The following KITLG variants were observed in gnomAD, a reference collection of about 807,000 sequenced individuals.
The protein encoded by KITLG is c-Kit ligand.
In KITLG, 13 loss-of-function variants were observed where a neutral mutation model predicts 34.1. The observed-to-expected ratio is 0.38, with a 90% confidence interval of 0.25 to 0.61. KITLG has a LOEUF of 0.61. KITLG is among the 20% of genes least tolerant of loss of function. The probability of loss-of-function intolerance (pLI) is 0.60; values close to 1 mark genes in which losing one functional copy is unlikely to be tolerated. For missense variants in KITLG, 292 were observed against 318.9 expected (o/e 0.92, Z 0.64); for synonymous variants, 110 against 104.0 (o/e 1.06, Z -0.35).
intron 9 of KITLG, among the ~76,000 whole-genome samples, chr12:88,500,925 G>A (rs1045859921): frequency 5.3e-5 from 8 of 152,016 alleles, no homozygotes; most frequent in Admixed American, 3.9e-4. Flanking sequence ...GACCATAGGT[G>A]CATACCACTA....
At position 88,531,713 on chromosome 12, in the gene KITLG, AAGTCCTTT is replaced by A. The variant is rs373082045; in HGVS notation, c.192+720_192+727del. On this transcript the variant is annotated intron_variant, in intron 3 of 9. Transcript: ENST00000644744. ...AAAGAATTTACATAAACTTACACTG[AAGTCCTTT>A]TTTAGGGGGATGCTTAAGGAAAATG... Among the ~76,000 whole-genome samples, 726 of 150,678 alleles carry A rather than the reference AAGTCCTTT, an allele frequency of 4.8e-3. 7 individuals carry two copies. Among genetic ancestry groups the A allele is most frequent in the African/African-American group, 0.017 (706 of 41,318 alleles).
chr12:88,571,392 C>A (rs1481203282), intron 1 of KITLG, among the ~76,000 whole-genome samples: 1 of 152,146 alleles, frequency 6.6e-6, no homozygotes, highest in Non-Finnish European at 1.5e-5. Context: ...AGTGGCAGAA[C>A]CAATACTACA....
intron 6 of KITLG, among the ~76,000 whole-genome samples, chr12:88,511,051 T>G (rs2120821664): frequency 6.6e-6 from 1 of 152,164 alleles, no homozygotes; most frequent in African/African-American, 2.4e-5. Flanking sequence ...TTGCTGACAA[T>G]GCAAGACTCA....
At chr12:88,505,269 C>T (rs1161845163) in intron 8 of KITLG, 34 bp from the exon 9 acceptor site, 1 of 1,551,664 alleles carries the variant, frequency 6.4e-7, no homozygotes, top group Non-Finnish European at 8.9e-7. Context: ...CTTATTTGCT[C>T]TTGGTCAGAG....
rs1871978207 is a variant in KITLG, at chr12:88,580,408, G to A, written c.-130C>T. 2 of 1,093,108 alleles carry A rather than the reference G, an allele frequency of 1.8e-6. No homozygotes were observed. The highest frequency in any genetic ancestry group is 1.6e-5 in the African/African-American group (1 of 64,066). 67.7% of individuals were successfully genotyped at this position (1,093,108 alleles called of 1,614,324 possible). A position where few individuals can be genotyped will look rare whatever the true frequency, so the allele number is the denominator to read the frequency against. On this transcript the variant is annotated 5_prime_UTR_variant, in exon 1 of 10. Coordinates refer to ENST00000644744, the MANE Select transcript of KITLG (RefSeq NM_000899.5). ...ACGCATTGGGTAGCCCGAGCGCAGC[G>A]CCCTCTCCACTGTCCCTGCTTCCCG...
chr12:88,527,032 C>G (rs758842829), intron 3 of KITLG, among the ~76,000 whole-genome samples: 7 of 152,036 alleles, frequency 4.6e-5, no homozygotes, highest in Admixed American at 3.9e-4. Flanking sequence ...CCACGCCCAG[C>G]TAATTTTCTG....
At chr12:88,542,559 T>C (rs1019323978) in intron 2 of KITLG, among the ~76,000 whole-genome samples, 41 of 152,110 alleles carry the variant, frequency 2.7e-4, no homozygotes, top group African/African-American at 9.4e-4. Flanking sequence ...CAGTCACTCA[T>C]GTTGCTGTTT....
chr12:88,546,020 AC>A, intron 1 of KITLG, 155 bp from the exon 2 acceptor site: 1 of 730,342 alleles, frequency 1.4e-6, no homozygotes, highest in Non-Finnish European at 2.5e-6. Context: ...AGCTATGCTC[AC>A]CAAAGTTTTT....
chr12:88,576,767 C>T (rs952837840), intron 1 of KITLG, among the ~76,000 whole-genome samples: 5 of 151,922 alleles, frequency 3.3e-5, no homozygotes, highest in Admixed American at 2.0e-4. Context: ...AGATATAAAG[C>T]GAAGGCCACA....
intron 1 of KITLG, among the ~76,000 whole-genome samples, chr12:88,575,753 C>T (rs929063060): frequency 6.6e-6 from 1 of 151,988 alleles, no homozygotes; most frequent in African/African-American, 2.4e-5. Context: ...GATTTATGTG[C>T]TAGAAAGAAA....
At chr12:88,501,129 A>C (rs1482644679) in intron 9 of KITLG, among the ~76,000 whole-genome samples, 1 of 152,094 alleles carries the variant, frequency 6.6e-6, no homozygotes, top group Non-Finnish European at 1.5e-5. Context: ...AGTTCAATAC[A>C]TTCCTTCCAC....
At chr12:88,541,229 G>A (rs776188007) in intron 2 of KITLG, among the ~76,000 whole-genome samples, 38 of 152,014 alleles carry the variant, frequency 2.5e-4, no homozygotes, top group Non-Finnish European at 1.0e-4. Context: ...TGAAATAAGT[G>A]CCTATCACAA....
intron 3 of KITLG, among the ~76,000 whole-genome samples, chr12:88,525,220 T>G (rs1179113128): frequency 1.3e-5 from 2 of 152,160 alleles, no homozygotes; most frequent in East Asian, 3.8e-4. Context: ...AAGGAAAAAC[T>G]GATAGTTTCC....
At chr12:88,505,382 C>T in intron 8 of KITLG, 147 bp from the exon 9 acceptor site, 2 of 670,850 alleles carry the variant, frequency 3.0e-6, no homozygotes, top group Admixed American at 5.1e-5. Context: ...CTTCTTATTA[C>T]TATAGGGAAG....
At chr12:88,520,622 A>T (rs949497759) in intron 3 of KITLG, among the ~76,000 whole-genome samples, 4 of 152,172 alleles carry the variant, frequency 2.6e-5, no homozygotes, top group Admixed American at 2.0e-4. Flanking sequence ...TTGAATTAAG[A>T]CATTCCTTTA....
intron 9 of KITLG, among the ~76,000 whole-genome samples, chr12:88,502,007 CAT>C (rs1868880442): frequency 6.6e-6 from 1 of 152,118 alleles, no homozygotes; most frequent in Admixed American, 6.6e-5. Context: ...TACCAAGTGT[CAT>C]ATGAAATCTA....
chr12:88,542,094 C>T (rs568242954), intron 2 of KITLG, among the ~76,000 whole-genome samples: 26 of 152,152 alleles, frequency 1.7e-4, no homozygotes, highest in Non-Finnish European at 2.9e-4. Context: ...CTCCTTCAGT[C>T]GAGTTATTAT....
intron 9 of KITLG, among the ~76,000 whole-genome samples, chr12:88,500,549 G>C (rs1868814791): frequency 6.6e-6 from 1 of 152,152 alleles, no homozygotes; most frequent in South Asian, 2.1e-4. Context: ...TCACATTTGT[G>C]GGAAGAGTAA....
chr12:88,567,010 A>G (rs1280340031), intron 1 of KITLG, among the ~76,000 whole-genome samples: 2 of 152,152 alleles, frequency 1.3e-5, no homozygotes, highest in Non-Finnish European at 2.9e-5. Context: ...TAGGACACAA[A>G]TCTTCAGGGA....
Sources: gnomAD v4.1 joint callset for allele counts (sites outside exome capture counted in the v4.1 genomes callset) on GRCh38, gnomAD v4.1.1 for gene constraint, MANE v1.5 for transcripts, NCBI Gene and HGNC (gene_info 2026-07-23, HGNC 2026-07-21) for gene names.